Variants in GRM7 observed in about 807,000 individuals in gnomAD.
The protein encoded by GRM7 is metabotropic glutamate receptor 7.
A neutral mutation model predicts 84.5 loss-of-function variants in GRM7; 35 were observed. The ratio of observed to expected loss-of-function variants is 0.41; its 90% CI spans 0.32 to 0.55. GRM7 has a LOEUF of 0.55. Among genes scored for constraint, GRM7 ranks in the 20% least tolerant of loss-of-function variants. The pLI is 0.19. For synonymous variants in GRM7, 487 were observed against 455.1 expected (o/e 1.07, Z -0.89); for missense variants, 1,003 against 1,194.6 (o/e 0.84, Z 2.36).
At chr3:7,126,395 CT>C (rs1317596037) in intron 1 of GRM7, among the ~76,000 whole-genome samples, 2 of 152,188 alleles carry the variant, frequency 1.3e-5, no homozygotes. Context: ...AAAATCCCCC[CT>C]AATGTGTTAA....
intron 8 of GRM7, among the ~76,000 whole-genome samples, chr3:7,632,743 C>G (rs914929583): frequency 6.6e-6 from 1 of 152,162 alleles, no homozygotes; most frequent in African/African-American, 2.4e-5. Flanking sequence ...GTAAATATCA[C>G]ATTTCACTTC....
chr3:7,010,716 G>A (rs779255749), intron 1 of GRM7, among the ~76,000 whole-genome samples: 2 of 152,170 alleles, frequency 1.3e-5, no homozygotes, highest in Non-Finnish European at 2.9e-5. Flanking sequence ...GTTCAGAGGA[G>A]GCCGATGAGG....
chr3:7,702,372 G>C (rs1701257730), intron 9 of GRM7, among the ~76,000 whole-genome samples: 1 of 152,128 alleles, frequency 6.6e-6, no homozygotes. Context: ...GGATAATGTA[G>C]ATTTAAAGGA....
At chr3:7,684,141 A>G (rs1213168327) in intron 9 of GRM7, among the ~76,000 whole-genome samples, 1 of 152,248 alleles carries the variant, frequency 6.6e-6, no homozygotes, top group Non-Finnish European at 1.5e-5. Flanking sequence ...AGATATGACT[A>G]TGCTATACTA....
intron 1 of GRM7, among the ~76,000 whole-genome samples, chr3:7,099,249 T>C (rs377304283): frequency 3.4e-4 from 46 of 134,710 alleles, no homozygotes; most frequent in Middle Eastern, 7.8e-3. Flanking sequence ...TATATATGAA[T>C]ACATGTATTA....
intron 1 of GRM7, among the ~76,000 whole-genome samples, chr3:6,932,608 C>T (rs1364908456): frequency 1.3e-5 from 2 of 152,106 alleles, no homozygotes; most frequent in Non-Finnish European, 2.9e-5. Flanking sequence ...ACGCTGCTAA[C>T]TTTCTTACAG....
intron 4 of GRM7, among the ~76,000 whole-genome samples, chr3:7,391,921 C>A (rs1407910990): frequency 6.6e-6 from 1 of 152,050 alleles, no homozygotes; most frequent in African/African-American, 2.4e-5. Context: ...CTCCCCAGGC[C>A]CTGATGGGAA....
At chr3:6,994,469 T>C (rs1022717478) in intron 1 of GRM7, among the ~76,000 whole-genome samples, 1 of 152,226 alleles carries the variant, frequency 6.6e-6, no homozygotes. Flanking sequence ...AGTAACAATG[T>C]TCAAAGAGTC....
At chr3:7,253,578 C>A (rs1352613009) in intron 2 of GRM7, among the ~76,000 whole-genome samples, 1 of 149,052 alleles carries the variant, frequency 6.7e-6, no homozygotes, top group Non-Finnish European at 1.5e-5. Context: ...GATCGTGCCA[C>A]TGCACTCCAG....
chr3:6,963,819 ACTCT>A (rs1220972846), intron 1 of GRM7, among the ~76,000 whole-genome samples: 1 of 152,110 alleles, frequency 6.6e-6, no homozygotes, highest in Non-Finnish European at 1.5e-5. Flanking sequence ...TATTAAGGAT[ACTCT>A]CAGTATGAGT....
chr3:7,555,067 G>C (rs1284873116), intron 7 of GRM7, among the ~76,000 whole-genome samples: 1 of 152,088 alleles, frequency 6.6e-6, no homozygotes, highest in Non-Finnish European at 1.5e-5. Flanking sequence ...CTTACCAGCT[G>C]GGTACTTTGG....
rs145407311 is a variant in GRM7, at chr3:7,312,238, C to T, written c.1033+5586C>T. The stretch of plus-strand genomic sequence containing the variant: ...CCTTACTTTGCCACAGATGTCTGAA[C>T]AGCTCTGACACCACATGCGGTGTCT... On this transcript the variant is annotated intron_variant, in intron 4 of 9. Coordinates refer to ENST00000357716, the MANE Select transcript of GRM7 (RefSeq NM_000844.4). Among the ~76,000 whole-genome samples the T allele has an allele frequency of 1.1e-3, 166 of 152,240 alleles. 1 individual carries two copies. In the East Asian group the frequency reaches 0.028, roughly 26 times the overall value.
intron 5 of GRM7, among the ~76,000 whole-genome samples, chr3:7,424,107 A>G (rs1488636195): frequency 3.3e-5 from 5 of 152,086 alleles, no homozygotes; most frequent in Admixed American, 3.3e-4. Flanking sequence ...GACATTCCCA[A>G]CGGCCTTTCC....
At chr3:7,654,574 A>T (rs1224199220) in intron 8 of GRM7, among the ~76,000 whole-genome samples, 3 of 152,224 alleles carry the variant, frequency 2.0e-5, no homozygotes, top group Non-Finnish European at 4.4e-5. Context: ...CAGTCCAGTG[A>T]AGAGCTTAAG....
chr3:6,933,810 G>T (rs1697592423), intron 1 of GRM7, among the ~76,000 whole-genome samples: 1 of 151,450 alleles, frequency 6.6e-6, no homozygotes, highest in Admixed American at 6.6e-5. Flanking sequence ...TGGTAATCAG[G>T]GCTTGATCCT....
chr3:6,927,072 A>T lies in GRM7; in HGVS notation c.519+65165A>T, dbSNP rs547258055. ...ATATGTAGACATAGGTAAAACATAG[A>T]ATTGTTCAAACTTCATGTTATACAA... is the stretch of plus-strand genomic sequence containing the variant. On this transcript the variant is annotated intron_variant, in intron 1 of 9. Transcript: ENST00000357716. Among the ~76,000 whole-genome samples the T allele has an allele frequency of 2.6e-5, 4 of 152,304 alleles. No homozygotes were observed. The South Asian group carries it at 8.3e-4, about 32-fold the overall frequency.
intron 4 of GRM7, among the ~76,000 whole-genome samples, chr3:7,321,665 C>T (rs189530587): frequency 4.0e-5 from 6 of 151,778 alleles, no homozygotes; most frequent in Admixed American, 1.3e-4. Context: ...ATCACTCTGA[C>T]ACTGATATTT....
chr3:7,113,792 C>T (rs1308964871), intron 1 of GRM7, among the ~76,000 whole-genome samples: 8 of 152,144 alleles, frequency 5.3e-5, no homozygotes, highest in Admixed American at 2.6e-4. Context: ...AATTCTGGTG[C>T]AAACCCTCAA....
At chr3:7,112,860 A>T (rs528323702) in intron 1 of GRM7, among the ~76,000 whole-genome samples, 277 of 152,308 alleles carry the variant, frequency 1.8e-3, no homozygotes, top group African/African-American at 6.2e-3. Flanking sequence ...TATTGGCCAC[A>T]CATCAAACAA....
Sources: gnomAD v4.1 joint callset for allele counts (sites outside exome capture counted in the v4.1 genomes callset) on GRCh38, gnomAD v4.1.1 for gene constraint, MANE v1.5 for transcripts, NCBI Gene and HGNC (gene_info 2026-07-23, HGNC 2026-07-21) for gene names.